Variants in PPM1E observed in about 807,000 individuals in gnomAD.
The protein encoded by PPM1E is protein phosphatase, Mg2+/Mn2+ dependent 1E.
A neutral mutation model predicts 65.9 loss-of-function variants in PPM1E; 20 were observed. The observed-to-expected ratio is 0.30, with a 90% CI of 0.21 to 0.44. The LOEUF is 0.44. Ranked by LOEUF, PPM1E falls within the 20% of genes least tolerant of loss-of-function variation. PPM1E has a pLI of 1.00. For missense variants in PPM1E, 713 were observed against 953.1 expected, an observed-to-expected ratio of 0.75 and a Z score of 3.32; for synonymous variants, 352 against 374.9, an observed-to-expected ratio of 0.94 and a Z score of 0.70.
chr17:58,908,156 A>G (rs2051581264), intron 1 of PPM1E, among the ~76,000 whole-genome samples: 1 of 151,640 alleles, frequency 6.6e-6, no homozygotes. Context: ...ATCTCAGCTC[A>G]CTGCAACCTC....
At chr17:58,907,343 A>T (rs2051571090) in intron 1 of PPM1E, among the ~76,000 whole-genome samples, 1 of 152,072 alleles carries the variant, frequency 6.6e-6, no homozygotes, top group Non-Finnish European at 1.5e-5. Flanking sequence ...TTCTGCTGTG[A>T]TCTGAATAAG....
chr17:58,855,499 A>G (rs1298744392), intron 1 of PPM1E, among the ~76,000 whole-genome samples: 1 of 152,190 alleles, frequency 6.6e-6, no homozygotes, highest in Admixed American at 6.5e-5. Flanking sequence ...TAGTTATAGC[A>G]ATTCCTTTTA....
intron 1 of PPM1E, among the ~76,000 whole-genome samples, chr17:58,787,521 T>C (rs1463708083): frequency 6.6e-6 from 1 of 152,182 alleles, no homozygotes; most frequent in Non-Finnish European, 1.5e-5. Context: ...ACTAATCATT[T>C]TGTATTATTT....
chr17:58,835,663 T>A (rs893459392), intron 1 of PPM1E, among the ~76,000 whole-genome samples: 4 of 151,706 alleles, frequency 2.6e-5, no homozygotes, highest in South Asian at 2.1e-4. Flanking sequence ...CTACAAAAAA[T>A]TTTTAAAAAT....
intron 1 of PPM1E, among the ~76,000 whole-genome samples, chr17:58,762,893 G>A (rs575275333): frequency 3.4e-4 from 44 of 127,594 alleles, no homozygotes; most frequent in East Asian, 2.3e-3. Flanking sequence ...GCGAGACTCC[G>A]TCTCAAAAAA....
intron 1 of PPM1E, among the ~76,000 whole-genome samples, chr17:58,804,300 T>A (rs1027665150): frequency 3.9e-5 from 6 of 152,250 alleles, no homozygotes; most frequent in African/African-American, 1.4e-4. Context: ...GAAAACTTTT[T>A]AATGTTTTCA....
At chr17:58,837,324 C>CAG in intron 1 of PPM1E, among the ~76,000 whole-genome samples, 1 of 68,466 alleles carries the variant, frequency 1.5e-5, no homozygotes, top group African/African-American at 4.1e-5. Flanking sequence ...GAGAATAACA[C>CAG]ACACACATAC....
chr17:58,868,343 C>T (rs560149351), intron 1 of PPM1E, among the ~76,000 whole-genome samples: 10 of 152,002 alleles, frequency 6.6e-5, no homozygotes, highest in African/African-American at 2.4e-4. Flanking sequence ...ACAAAAACAA[C>T]GTAGGCCCTC....
chr17:58,756,891 CTG>C (rs2049773358), intron 1 of PPM1E, among the ~76,000 whole-genome samples: 1 of 152,220 alleles, frequency 6.6e-6, no homozygotes. Flanking sequence ...CCACCCCAGT[CTG>C]TCTTTTCCCG....
chr17:58,980,938 T>C lies in PPM1E; in HGVS notation c.2175T>C (p.Asn725=), dbSNP rs1480750851. 1.2e-6 allele frequency: 2 copies of C among 1,613,996 alleles called. No homozygotes were observed. The highest frequency in any genetic ancestry group is 1.3e-5 in the African/African-American group (1 of 74,904). ...RIRSSLPWRQ[N]SWKGYSENMR... Reference sequence around the variant, plus strand: ...GAAGTTCTCTGCCATGGAGGCAAAATAGTTGGAAAGGGTACAGTGAAAACA... The same window carrying C: ...GAAGTTCTCTGCCATGGAGGCAAAACAGTTGGAAAGGGTACAGTGAAAACA... The change falls in exon 7 of 7, where the codon AAT becomes AAC. Residue 725 remains asparagine, a synonymous_variant. Transcript: ENST00000308249. The surrounding 1 kb of genome is among the most constrained non-coding windows in gnomAD (Gnocchi z 4.7).
intron 6 of PPM1E, among the ~76,000 whole-genome samples, chr17:58,978,853 G>A (rs2031188207): frequency 6.6e-6 from 1 of 152,110 alleles, no homozygotes; most frequent in Non-Finnish European, 1.5e-5. Context: ...GAAGTGCTCT[G>A]GATCTGAAAG....
At chr17:58,765,662 T>C (rs1412946036) in intron 1 of PPM1E, among the ~76,000 whole-genome samples, 1 of 152,112 alleles carries the variant, frequency 6.6e-6, no homozygotes, top group Non-Finnish European at 1.5e-5. Context: ...GACTAGTTCA[T>C]TACTACCTAG....
At chr17:58,859,147 G>C (rs762881327) in intron 1 of PPM1E, among the ~76,000 whole-genome samples, 2 of 152,150 alleles carry the variant, frequency 1.3e-5, no homozygotes, top group Non-Finnish European at 1.5e-5. Context: ...GTTTCATACA[G>C]GGTCAGTACC....
intron 1 of PPM1E, among the ~76,000 whole-genome samples, chr17:58,764,837 A>G (rs571375130): frequency 6.6e-6 from 1 of 152,068 alleles, no homozygotes; most frequent in African/African-American, 2.4e-5. Flanking sequence ...CAAGTAATCC[A>G]TCCACCTCAG....
At chr17:58,813,130 T>C (rs933532365) in intron 1 of PPM1E, among the ~76,000 whole-genome samples, 1 of 152,206 alleles carries the variant, frequency 6.6e-6, no homozygotes, top group African/African-American at 2.4e-5. Context: ...CATATGTTTA[T>C]TCTTTCTCCC....
chr17:58,972,783 T>A, intron 5 of PPM1E, 49 bp from the exon 6 acceptor site: 1 of 1,476,144 alleles, frequency 6.8e-7, no homozygotes, highest in Non-Finnish European at 9.5e-7. Context: ...AGTAAATGAA[T>A]AAATCCTGAA....
intron 1 of PPM1E, among the ~76,000 whole-genome samples, chr17:58,921,896 C>T (rs959738948): frequency 6.6e-5 from 10 of 151,514 alleles, no homozygotes; most frequent in Middle Eastern, 3.4e-3. Context: ...AAAAATTAGC[C>T]GGGTGTGGTG....
chr17:58,802,376 G>T (rs555116388), intron 1 of PPM1E, among the ~76,000 whole-genome samples: 86 of 152,132 alleles, frequency 5.7e-4, no homozygotes, highest in Admixed American at 3.2e-3. Context: ...TTTCTATTCT[G>T]TTCCATTGGT....
chr17:58,770,251 A>G lies in PPM1E; in HGVS notation c.464+13790A>G, dbSNP rs77078809. Among the ~76,000 whole-genome samples, 144 of 152,270 alleles carry G rather than the reference A, an allele frequency of 9.5e-4. 3 individuals are homozygous for G. The East Asian group carries it at 0.026, about 28-fold the overall frequency. On this transcript the variant is annotated intron_variant, in intron 1 of 6. Transcript: ENST00000308249. ...TCAGAAGCAGAATTCCATTTTATATATTAAAATACCCAGTTTATGTTTAAG... is the reference window on the plus strand; with the variant it reads ...TCAGAAGCAGAATTCCATTTTATATGTTAAAATACCCAGTTTATGTTTAAG...
Sources: allele counts gnomAD v4.1 joint callset (sites outside exome capture counted in the v4.1 genomes callset), GRCh38; gene constraint gnomAD v4.1.1; non-coding constraint Gnocchi (gnomAD v3.1); transcripts MANE v1.5; gene names NCBI Gene and HGNC (gene_info 2026-07-23, HGNC 2026-07-21).